The following MYO18B variants were observed in gnomAD, a reference collection of about 807,000 sequenced individuals.
The protein encoded by MYO18B is myosin XVIIIB.
MYO18B carries 204 observed loss-of-function variants against 273.0 expected under a neutral mutation model. The ratio of observed to expected loss-of-function variants is 0.75; its 90% CI spans 0.67 to 0.84. The LOEUF is 0.84. MYO18B is among the 40% of genes least tolerant of loss of function. MYO18B has a pLI of 0.00. For missense variants in MYO18B, 3,212 were observed against 3,287.6 expected (o/e 0.98, Z 0.56); for synonymous variants, 1,330 against 1,305.7 (o/e 1.02, Z -0.40).
At chr22:25,757,559 C>A (rs377707391) in intron 1 of MYO18B, among the ~76,000 whole-genome samples, 2 of 151,852 alleles carry the variant, frequency 1.3e-5, no homozygotes, top group East Asian at 3.9e-4. Context: ...TATACTCCAG[C>A]CTGGGCAACA....
intron 17 of MYO18B, among the ~76,000 whole-genome samples, chr22:25,838,841 A>G (rs2145970414): frequency 6.6e-6 from 1 of 151,658 alleles, no homozygotes; most frequent in Admixed American, 6.6e-5. Context: ...GTCTGTGTGT[A>G]AATATATGTG....
intron 34 of MYO18B, among the ~76,000 whole-genome samples, chr22:25,937,887 C>T (rs1388077469): frequency 6.6e-6 from 1 of 152,142 alleles, no homozygotes; most frequent in Non-Finnish European, 1.5e-5. Context: ...TCCCGGCCGA[C>T]ATTCTTAATA....
intron 21 of MYO18B, among the ~76,000 whole-genome samples, chr22:25,853,951 A>C (rs1261650195): frequency 6.6e-6 from 1 of 152,226 alleles, no homozygotes; most frequent in Non-Finnish European, 1.5e-5. Flanking sequence ...TTGCCAGGCC[A>C]CATGATATGC....
chr22:26,044,477 G>A, the MYO18B span, among the ~76,000 whole-genome samples: 5 of 152,204 alleles, frequency 3.3e-5, no homozygotes, highest in South Asian at 2.1e-4. Flanking sequence ...TTTATACTTA[G>A]ATCTATGATC....
chr22:25,989,509 G>A (rs111553235), intron 39 of MYO18B, among the ~76,000 whole-genome samples: 2,816 of 151,960 alleles, frequency 0.019, 88 homozygotes, highest in African/African-American at 0.065. Flanking sequence ...CTGGCCGGGC[G>A]TGGTGGCTCA....
chr22:25,770,048 T>C, intron 4 of MYO18B, 62 bp from the exon 5 acceptor site: 1 of 1,550,000 alleles, frequency 6.5e-7, no homozygotes, highest in African/African-American at 1.4e-5. Context: ...AACCCCCGTG[T>C]AAGGTAGAAG....
chr22:25,973,329 G>T (rs894998393), intron 39 of MYO18B, among the ~76,000 whole-genome samples: 1 of 152,164 alleles, frequency 6.6e-6, no homozygotes, highest in African/African-American at 2.4e-5. Flanking sequence ...TCAGGGCTTT[G>T]CATTTTTAGA....
intron 40 of MYO18B, 43 bp downstream of exon 40, chr22:25,992,536 G>A: frequency 6.2e-7 from 1 of 1,611,584 alleles, no homozygotes. Flanking sequence ...CAGCAGGTGG[G>A]CGGCATCCTG....
intron 12 of MYO18B, among the ~76,000 whole-genome samples, chr22:25,800,418 G>C (rs1032162911): frequency 6.6e-6 from 1 of 152,240 alleles, no homozygotes; most frequent in Non-Finnish European, 1.5e-5. Flanking sequence ...CTCACTCAAC[G>C]TCCTGGTCAC....
chr22:25,757,703 C>T (rs536945699), intron 1 of MYO18B, among the ~76,000 whole-genome samples: 41 of 152,260 alleles, frequency 2.7e-4, no homozygotes, highest in African/African-American at 9.1e-4. Flanking sequence ...TCAGAGGGCC[C>T]GGCCAACCAG....
chr22:25,869,001 G>A (rs1380042936), intron 22 of MYO18B, among the ~76,000 whole-genome samples: 1 of 152,176 alleles, frequency 6.6e-6, no homozygotes, highest in African/African-American at 2.4e-5. Context: ...CAAACTATTT[G>A]ACTGTGGAAC....
chr22:26,009,130 C>G (rs1934680444), intron 42 of MYO18B, among the ~76,000 whole-genome samples: 1 of 152,218 alleles, frequency 6.6e-6, no homozygotes, highest in Non-Finnish European at 1.5e-5. Context: ...TCTCAGGAGG[C>G]AACTCCACTT....
chr22:25,891,158 G>A (rs1601487785), intron 26 of MYO18B, 146 bp from the exon 27 acceptor site: 2 of 716,400 alleles, frequency 2.8e-6, no homozygotes, highest in Non-Finnish European at 2.3e-6. Flanking sequence ...TATGCCGAAG[G>A]TGGCTAGCCC....
intron 17 of MYO18B, among the ~76,000 whole-genome samples, chr22:25,837,422 G>A (rs765772045): frequency 1.3e-5 from 2 of 152,180 alleles, no homozygotes; most frequent in Non-Finnish European, 2.9e-5. Flanking sequence ...TATCAAATGC[G>A]GCTGAAAGGT....
chr22:26,050,172 C>T, the MYO18B span, among the ~76,000 whole-genome samples: 1 of 152,184 alleles, frequency 6.6e-6, no homozygotes, highest in Non-Finnish European at 1.5e-5. Context: ...ATTAATTTCT[C>T]CCGCAGAATC....
rs1469843774 is a variant in MYO18B, at chr22:25,948,440, TTCCTTCCTTCCTTCCTTCC to T, written c.5748+614_5748+632del. 5.9e-3 allele frequency among the ~76,000 whole-genome samples: 736 copies of T among 124,346 alleles called. 9 individuals are homozygous for T. The highest frequency in any genetic ancestry group is 0.023 in the African/African-American group (692 of 30,636). 81.6% of individuals were successfully genotyped at this position (124,346 alleles called of 152,430 possible). On this transcript the variant is annotated intron_variant, in intron 36 of 43. Coordinates refer to ENST00000335473, the MANE Select transcript of MYO18B (RefSeq NM_032608.7). ...CTTCCTTCCTTCCTTCCTTCCTTCC[TTCCTTCCTTCCTTCCTTCC>T]TTCTTTCTTTCTTTCTTTCTTTCTT...
At chr22:26,063,378 G>T in the MYO18B span, among the ~76,000 whole-genome samples, 4 of 152,144 alleles carry the variant, frequency 2.6e-5, no homozygotes, top group East Asian at 7.7e-4. Context: ...CATTGGAAAA[G>T]AGCTTCCACA....
chr22:25,760,887 G>A, intron 1 of MYO18B, 97 bp from the exon 2 acceptor site: 2 of 615,566 alleles, frequency 3.2e-6, no homozygotes, highest in South Asian at 3.8e-5. Context: ...TCCCCCATGT[G>A]GTCTTGGTTT....
At chr22:25,881,296 A>G (rs564384973) in intron 25 of MYO18B, among the ~76,000 whole-genome samples, 13 of 152,378 alleles carry the variant, frequency 8.5e-5, no homozygotes, top group Non-Finnish European at 1.6e-4. Context: ...GAAGGACCAC[A>G]TCCACACAAG....
Sources: allele counts gnomAD v4.1 joint callset (sites outside exome capture counted in the v4.1 genomes callset), GRCh38; gene constraint gnomAD v4.1.1; transcripts MANE v1.5; gene names NCBI Gene and HGNC (gene_info 2026-07-23, HGNC 2026-07-21).